DIAPH3: variants seen among roughly 807,000 people sequenced by gnomAD.
DIAPH3 encodes the protein diaphanous related formin 3.
A neutral mutation model predicts 144.3 loss-of-function variants in DIAPH3; 117 were observed. That is an observed-to-expected ratio of 0.81 (90% confidence interval 0.70 to 0.95). The LOEUF (loss-of-function observed/expected upper bound fraction) is 0.95. Among genes scored for constraint, DIAPH3 ranks in the 40% least tolerant of loss-of-function variants. The pLI is 0.00. For synonymous variants in DIAPH3, 519 were observed against 488.9 expected, an observed-to-expected ratio of 1.06 and a Z score of -0.81; for missense variants, 1,421 against 1,412.7, an observed-to-expected ratio of 1.01 and a Z score of -0.09.
At chr13:59,818,101 C>T (rs1167386981) in intron 24 of DIAPH3, among the ~76,000 whole-genome samples, 3 of 151,870 alleles carry the variant, frequency 2.0e-5, no homozygotes, top group African/African-American at 7.2e-5. Flanking sequence ...TTTACTGGTA[C>T]ATAGCCACAG....
intron 27 of DIAPH3, among the ~76,000 whole-genome samples, chr13:59,721,265 G>A (rs1310736882): frequency 6.6e-6 from 1 of 152,130 alleles, no homozygotes; most frequent in African/African-American, 2.4e-5. Flanking sequence ...TGGCAAGTAA[G>A]GGCTTTTTAC....
chr13:60,099,744 T>C (rs2058212319), intron 3 of DIAPH3, among the ~76,000 whole-genome samples: 1 of 152,076 alleles, frequency 6.6e-6, no homozygotes, highest in Non-Finnish European at 1.5e-5. Context: ...AAAATCTATA[T>C]CTAAACAGAA....
chr13:59,742,973 T>C (rs558635457), intron 27 of DIAPH3, among the ~76,000 whole-genome samples: 3 of 152,278 alleles, frequency 2.0e-5, no homozygotes, highest in East Asian at 1.9e-4. Context: ...GGTGAAAGAA[T>C]TGTACAGAGT....
intron 27 of DIAPH3, among the ~76,000 whole-genome samples, chr13:59,676,802 A>T (rs1334549865): frequency 6.6e-6 from 1 of 152,188 alleles, no homozygotes; most frequent in Non-Finnish European, 1.5e-5. Flanking sequence ...TTTAATAAGA[A>T]TCTGCTTAAA....
intron 27 of DIAPH3, among the ~76,000 whole-genome samples, chr13:59,740,751 A>C (rs2036400606): frequency 6.6e-6 from 1 of 152,164 alleles, no homozygotes; most frequent in Non-Finnish European, 1.5e-5. Context: ...AGTTAGAATC[A>C]CTTGATCTAT....
At chr13:59,756,793 A>G (rs545069668) in intron 27 of DIAPH3, among the ~76,000 whole-genome samples, 4 of 152,280 alleles carry the variant, frequency 2.6e-5, no homozygotes, top group African/African-American at 9.6e-5. Flanking sequence ...CCTATTTCCA[A>G]CCCATTACTC....
chr13:59,710,653 G>A (rs2034684782), intron 27 of DIAPH3, among the ~76,000 whole-genome samples: 1 of 152,248 alleles, frequency 6.6e-6, no homozygotes, highest in African/African-American at 2.4e-5. Flanking sequence ...AGATAATGCT[G>A]TGCTGGCTCT....
At chr13:60,152,110 G>A (rs1566829395) in intron 1 of DIAPH3, among the ~76,000 whole-genome samples, 1 of 152,026 alleles carries the variant, frequency 6.6e-6, no homozygotes, top group African/African-American at 2.4e-5. Context: ...CAGCAATTAC[G>A]GGATAAACTC....
At chr13:59,828,553 T>C (rs2041586598) in intron 24 of DIAPH3, among the ~76,000 whole-genome samples, 2 of 149,616 alleles carry the variant, frequency 1.3e-5, no homozygotes, top group South Asian at 2.1e-4. Flanking sequence ...GTCTTAGCCC[T>C]ACCAACTCTG....
At chr13:59,906,679 A>G (rs2046758614) in intron 20 of DIAPH3, among the ~76,000 whole-genome samples, 1 of 152,192 alleles carries the variant, frequency 6.6e-6, no homozygotes, top group African/African-American at 2.4e-5. Flanking sequence ...GTTCGATTCA[A>G]TCTTCCTATA....
intron 25 of DIAPH3, among the ~76,000 whole-genome samples, chr13:59,809,263 A>T (rs1023421405): frequency 6.6e-6 from 1 of 152,166 alleles, no homozygotes; most frequent in Non-Finnish European, 1.5e-5. Context: ...GCACTTTGGG[A>T]GGCTGAGGTG....
chr13:59,860,539 C>T (rs543183235), intron 22 of DIAPH3, among the ~76,000 whole-genome samples: 4 of 152,214 alleles, frequency 2.6e-5, no homozygotes, highest in South Asian at 4.2e-4. Context: ...GAGATCGAGA[C>T]TATCCTGGCT....
chr13:59,690,233 G>A lies in DIAPH3; in HGVS notation c.3320-23387C>T, dbSNP rs143536048. Among the ~76,000 whole-genome samples the A allele has an allele frequency of 3.3e-3, 498 of 152,104 alleles. 2 individuals carry two copies. The highest frequency in any genetic ancestry group is 0.012 in the African/African-American group (479 of 41,504). ...CCATGATACACTGCATTTTTATAGGGCTTTATGTGTTTCAATGCATTCTTA... is the reference window on the plus strand; with the variant it reads ...CCATGATACACTGCATTTTTATAGGACTTTATGTGTTTCAATGCATTCTTA... On this transcript the variant is annotated intron_variant, in intron 27 of 27. Transcript: ENST00000400324.
chr13:60,023,174 G>GT (rs2054141930), intron 5 of DIAPH3, among the ~76,000 whole-genome samples: 2 of 152,176 alleles, frequency 1.3e-5, no homozygotes, highest in Non-Finnish European at 2.9e-5. Flanking sequence ...ACCTGCACCT[G>GT]AAGATCTTTT....
At chr13:59,806,703 C>T (rs1201110434) in intron 25 of DIAPH3, among the ~76,000 whole-genome samples, 1 of 151,768 alleles carries the variant, frequency 6.6e-6, no homozygotes, top group Non-Finnish European at 1.5e-5. Context: ...TTATTTATCA[C>T]TGTAATCTCA....
intron 21 of DIAPH3, among the ~76,000 whole-genome samples, chr13:59,862,058 C>T (rs1341956038): frequency 2.6e-5 from 4 of 152,080 alleles, no homozygotes; most frequent in African/African-American, 7.2e-5. Flanking sequence ...GGAACTGAGA[C>T]TTCAAAGACA....
rs190210619 is a variant in DIAPH3, at chr13:59,942,712, C to G, written c.2075-17842G>C. Among the ~76,000 whole-genome samples, 355 of 152,024 alleles carry G rather than the reference C, an allele frequency of 2.3e-3. 4 individuals are homozygous for G. The highest frequency in any genetic ancestry group is 3.5e-3 in the Non-Finnish European group (240 of 67,920). Reference sequence around the variant, plus strand: ...ATAAGTGTATAAGGGTGTACATAAACAAAAAAGATGTATACACATGTATAC... The same window carrying G: ...ATAAGTGTATAAGGGTGTACATAAAGAAAAAAGATGTATACACATGTATAC... On this transcript the variant is annotated intron_variant, in intron 17 of 27. Coordinates refer to ENST00000400324, the MANE Select transcript of DIAPH3 (RefSeq NM_001042517.2).
Position 59,912,211 on chromosome 13 carries a change from A to G in DIAPH3, c.2266-375T>C, listed in dbSNP as rs184352603. Among the ~76,000 whole-genome samples the G allele has an allele frequency of 3.3e-3, 507 of 152,320 alleles. 2 individuals carry two copies. Among genetic ancestry groups the G allele is most frequent in the African/African-American group, 0.011 (467 of 41,584 alleles). On this transcript the variant is annotated intron_variant, in intron 19 of 27. Coordinates refer to ENST00000400324, the MANE Select transcript of DIAPH3 (RefSeq NM_001042517.2). ...TCAGAAATTTCAGGCAAAGCCAAAC[A>G]TATTTTAACACTTCACTCAGGGGGA... is the stretch of plus-strand genomic sequence containing the variant.
At chr13:59,747,352 A>AAT in intron 27 of DIAPH3, among the ~76,000 whole-genome samples, 1 of 152,206 alleles carries the variant, frequency 6.6e-6, no homozygotes, top group South Asian at 2.1e-4. Context: ...CAGATTTTGC[A>AAT]TCTAGGTATT....
Sources: allele counts gnomAD v4.1 joint callset (sites outside exome capture counted in the v4.1 genomes callset), GRCh38; gene constraint gnomAD v4.1.1; transcripts MANE v1.5; gene names NCBI Gene and HGNC (gene_info 2026-07-23, HGNC 2026-07-21).